The following RAPGEF5 variants were observed in gnomAD, a reference collection of about 807,000 sequenced individuals.
The protein encoded by RAPGEF5 is Rap guanine nucleotide exchange factor 5, also known as M-Ras-regulated GEF.
Under a neutral mutation model 125.2 loss-of-function variants are expected in RAPGEF5, and 65 were observed. The observed-to-expected ratio is 0.52, with a 90% CI of 0.43 to 0.64. The LOEUF (loss-of-function observed/expected upper bound fraction) is 0.64, where lower values mean the gene tolerates loss of function less well. RAPGEF5 is among the 30% of genes least tolerant of loss of function. RAPGEF5 has a pLI of 0.00. For synonymous variants in RAPGEF5, 391 were observed against 385.9 expected, an observed-to-expected ratio of 1.01 and a Z score of -0.16; for missense variants, 958 against 1,048.1, an observed-to-expected ratio of 0.91 and a Z score of 1.19.
chr7:22,264,151 A>C (rs1782226506), intron 7 of RAPGEF5, among the ~76,000 whole-genome samples: 1 of 152,106 alleles, frequency 6.6e-6, no homozygotes. Context: ...TCTGTTAAAA[A>C]AAATGCAACA....
At chr7:22,130,779 A>AT (rs1157379587) in intron 24 of RAPGEF5, among the ~76,000 whole-genome samples, 2 of 152,184 alleles carry the variant, frequency 1.3e-5, no homozygotes, top group East Asian at 3.8e-4. Context: ...ATCATATTCC[A>AT]TTTTTAAAAA....
At chr7:22,313,139 C>T (rs1783512248) in intron 3 of RAPGEF5, among the ~76,000 whole-genome samples, 1 of 152,198 alleles carries the variant, frequency 6.6e-6, no homozygotes, top group Non-Finnish European at 1.5e-5. Context: ...CTTAACAAAA[C>T]ATGAATTTAC....
chr7:22,303,236 G>A (rs895035185), intron 5 of RAPGEF5, among the ~76,000 whole-genome samples: 15 of 152,146 alleles, frequency 9.9e-5, no homozygotes, highest in Non-Finnish European at 1.2e-4. Flanking sequence ...GTACATTCTG[G>A]ATAACTTGAT....
intron 23 of RAPGEF5, among the ~76,000 whole-genome samples, chr7:22,131,653 G>A (rs1324781099): frequency 6.6e-6 from 1 of 152,182 alleles, no homozygotes; most frequent in Non-Finnish European, 1.5e-5. Context: ...GCTTGAAAAA[G>A]TCAAGATGTC....
At chr7:22,188,764 C>CA (rs1180031530) in intron 11 of RAPGEF5, among the ~76,000 whole-genome samples, 2,276 of 51,268 alleles carry the variant, frequency 0.044, 79 homozygotes, top group African/African-American at 0.12. Flanking sequence ...GACTCCGTCT[C>CA]AAAAAAAAAA....
chr7:22,316,489 A>ATATTTT (rs1201099897), intron 2 of RAPGEF5, among the ~76,000 whole-genome samples: 11 of 50,644 alleles, frequency 2.2e-4, no homozygotes, highest in African/African-American at 3.3e-4. Flanking sequence ...ATATATATAT[A>ATATTTT]TTTTTTTTTT....
At chr7:22,315,257 C>A (rs1485315023) in intron 3 of RAPGEF5, 113 bp downstream of exon 3, 5 of 1,246,248 alleles carry the variant, frequency 4.0e-6, no homozygotes, top group Non-Finnish European at 5.3e-6. Flanking sequence ...ACAAACAAAC[C>A]CTCCTACTAC....
intron 11 of RAPGEF5, among the ~76,000 whole-genome samples, chr7:22,177,249 C>T (rs1286204665): frequency 2.0e-5 from 3 of 152,110 alleles, no homozygotes; most frequent in Non-Finnish European, 4.4e-5. Flanking sequence ...TGATGAATAT[C>T]ACACTCCTGT....
At chr7:22,192,896 G>A (rs1282054268) in intron 11 of RAPGEF5, 1 of 174,836 alleles carries the variant, frequency 5.7e-6, no homozygotes, top group Non-Finnish European at 1.2e-5. Context: ...AAACCACTTG[G>A]AAAAAGGCAG....
At chr7:22,261,340 G>A (rs1261300320) in intron 7 of RAPGEF5, among the ~76,000 whole-genome samples, 1 of 151,890 alleles carries the variant, frequency 6.6e-6, no homozygotes, top group Admixed American at 6.6e-5. Flanking sequence ...ATAAAATTTA[G>A]GCTGGGTGCA....
intron 7 of RAPGEF5, among the ~76,000 whole-genome samples, chr7:22,244,007 C>T (rs183453319): frequency 6.6e-6 from 1 of 152,242 alleles, no homozygotes; most frequent in African/African-American, 2.4e-5. Flanking sequence ...TTCTAAGTTC[C>T]ACTTTCTAAG....
At chr7:22,145,001 C>T in intron 20 of RAPGEF5, 43 bp downstream of exon 20, 2 of 1,587,460 alleles carry the variant, frequency 1.3e-6, no homozygotes, top group Non-Finnish European at 1.7e-6. Context: ...TGTACTCTCT[C>T]AAGAAGACTA....
intron 7 of RAPGEF5, among the ~76,000 whole-genome samples, chr7:22,253,258 A>T (rs1786669595): frequency 6.6e-6 from 1 of 152,220 alleles, no homozygotes; most frequent in Non-Finnish European, 1.5e-5. Flanking sequence ...AAAACACATG[A>T]CACTTCTTTC....
chr7:22,290,899 C>T (rs1276512527), intron 6 of RAPGEF5, among the ~76,000 whole-genome samples: 2 of 151,938 alleles, frequency 1.3e-5, no homozygotes, highest in East Asian at 1.9e-4. Flanking sequence ...CCTAGGTTAA[C>T]GCATACTGTA....
chr7:22,196,513 G>A (rs1395566237), intron 9 of RAPGEF5, among the ~76,000 whole-genome samples: 1 of 152,188 alleles, frequency 6.6e-6, no homozygotes, highest in Admixed American at 6.5e-5. Flanking sequence ...GCACTGTTCT[G>A]GACACCAAGC....
At chr7:22,257,642 A>G (rs1004382990) in intron 7 of RAPGEF5, among the ~76,000 whole-genome samples, 27 of 152,174 alleles carry the variant, frequency 1.8e-4, no homozygotes, top group African/African-American at 6.0e-4. Flanking sequence ...CTCAATGCCA[A>G]CTCAAGCATT....
rs1352555825 is a variant in RAPGEF5, at chr7:22,120,704, T to A, written c.*1702A>T. 2.0e-5 allele frequency: 3 copies of A among 152,426 alleles called. No homozygotes were observed. Among genetic ancestry groups the A allele is most frequent in the African/African-American group, 7.2e-5 (3 of 41,448 alleles). 9.4% of individuals were successfully genotyped at this position (152,426 alleles called of 1,614,324 possible). A position where few individuals can be genotyped will look rare whatever the true frequency, so the allele number is the denominator to read the frequency against. ...CTCTGAATGGACCAGCCCTGGAGGA[T>A]GCCCTTCTATAAAACCCTATAAATG... On this transcript the variant is annotated 3_prime_UTR_variant, in exon 26 of 26. Transcript: ENST00000665637. The surrounding 1 kb of genome is among the most constrained non-coding windows in gnomAD (Gnocchi z 4.0).
At chr7:22,318,824 T>C (rs562605664) in intron 1 of RAPGEF5, among the ~76,000 whole-genome samples, 2 of 152,314 alleles carry the variant, frequency 1.3e-5, no homozygotes, top group African/African-American at 2.4e-5. Context: ...TTTTTGCTAC[T>C]ATTCAGGTGC....
At chr7:22,320,323 C>T (rs1157191556) in intron 1 of RAPGEF5, among the ~76,000 whole-genome samples, 2 of 152,164 alleles carry the variant, frequency 1.3e-5, no homozygotes, top group African/African-American at 4.8e-5. Flanking sequence ...CATAACTGTA[C>T]TTCCGCAGAG....
Sources: gnomAD v4.1 joint callset for allele counts (sites outside exome capture counted in the v4.1 genomes callset) on GRCh38, gnomAD v4.1.1 for gene constraint, Gnocchi (gnomAD v3.1) non-coding constraint, MANE v1.5 for transcripts, NCBI Gene and HGNC (gene_info 2026-07-23, HGNC 2026-07-21) for gene names.